The following ECRG4 variants were observed in gnomAD, a reference collection of about 807,000 sequenced individuals.
ECRG4 encodes the protein ECRG4 augurin precursor, also known as augurin.
Under a neutral mutation model 15.8 loss-of-function variants are expected in ECRG4, and 18 were observed. The observed-to-expected ratio is 1.14, with a 90% confidence interval of 0.79 to 1.69. The LOEUF (loss-of-function observed/expected upper bound fraction) is 1.69, where lower values mean the gene tolerates loss of function less well. Ranked by LOEUF, ECRG4 falls within the 40% of genes most tolerant of loss-of-function variation. The pLI is 0.00. For missense variants in ECRG4, 200 were observed against 190.9 expected (o/e 1.05, Z -0.28); for synonymous variants, 82 against 73.9 (o/e 1.11, Z -0.56).
chr2:106,073,844 G>C (rs137908864), intron 2 of ECRG4, 42 bp from the exon 3 acceptor site: 6 of 1,606,080 alleles, frequency 3.7e-6, no homozygotes, highest in Non-Finnish European at 3.4e-6. Context: ...GAGGAAGGAA[G>C]TCATTCTTTG....
chr2:106,075,635 T>C (rs1676469958), intron 3 of ECRG4, among the ~76,000 whole-genome samples: 1 of 151,850 alleles, frequency 6.6e-6, no homozygotes. Context: ...GACAGGAGAA[T>C]CCTTCGAACC....
intron 1 of ECRG4, chr2:106,070,881 C>G (rs187114752): frequency 2.1e-6 from 1 of 470,870 alleles, no homozygotes; most frequent in African/African-American, 2.0e-5. Flanking sequence ...GACTCCAGTT[C>G]CTTACACCCG....
intron 1 of ECRG4, among the ~76,000 whole-genome samples, chr2:106,070,296 A>G (rs1466863342): frequency 6.6e-6 from 1 of 152,186 alleles, no homozygotes; most frequent in African/African-American, 2.4e-5. Flanking sequence ...CAGGAAATAG[A>G]CTTAATAAGT....
chr2:106,077,114 G>A (rs1239290273), intron 3 of ECRG4, among the ~76,000 whole-genome samples: 1 of 151,988 alleles, frequency 6.6e-6, no homozygotes, highest in Non-Finnish European at 1.5e-5. Flanking sequence ...GGAACAGTAG[G>A]CTTCTTGAAG....
intron 2 of ECRG4, among the ~76,000 whole-genome samples, chr2:106,073,521 A>G (rs1178486840): frequency 6.6e-6 from 1 of 152,178 alleles, no homozygotes; most frequent in Non-Finnish European, 1.5e-5. Context: ...GGCACTAGAT[A>G]TCCAGTCTGT....
In ECRG4 at chr2:106,071,809, A is replaced by G. The variant is rs1487868977; in HGVS notation, c.80-35A>G. Reference sequence around the variant, plus strand: ...TTTGATAAATTGAAGGGAGCAGTATAACTCTGATATGGATTTCAATTTTCA... The same window carrying G: ...TTTGATAAATTGAAGGGAGCAGTATGACTCTGATATGGATTTCAATTTTCA... On this transcript the variant is annotated intron_variant, in intron 1 of 3. Coordinates refer to ENST00000238044, the MANE Select transcript of ECRG4 (RefSeq NM_032411.3). 1.9e-6 allele frequency: 3 copies of G among 1,589,784 alleles called. No individual in the cohort carries two copies. In the Admixed American group the frequency reaches 5.0e-5, roughly 27 times the overall value.
Position 106,077,660 on chromosome 2 carries a change from C to T in ECRG4, c.286-105C>T, listed in dbSNP as rs1573365619. ...CAGGGAGTTACTAAGGGTTGTTAAT[C>T]GTTGAAGAAAAACCACCATGAAGAA... On this transcript the variant is annotated intron_variant, in intron 3 of 3. Transcript: ENST00000238044. The T allele has an allele frequency of 7.7e-6, 8 of 1,035,000 alleles. No homozygotes were observed. In the South Asian group the frequency reaches 8.0e-5, roughly 10 times the overall value. 64.1% of individuals were successfully genotyped at this position (1,035,000 alleles called of 1,614,324 possible). A position where few individuals can be genotyped will look rare whatever the true frequency, so the allele number is the denominator to read the frequency against.
chr2:106,077,601 A>G (rs1360045963), intron 3 of ECRG4, among the ~76,000 whole-genome samples, 164 bp from the exon 4 acceptor site: 1 of 152,210 alleles, frequency 6.6e-6, no homozygotes, highest in Non-Finnish European at 1.5e-5. Flanking sequence ...AATACTGCTG[A>G]CTGTTTTGGC....
chr2:106,074,184 T>TATCA (rs1347369389), intron 3 of ECRG4, 141 bp downstream of exon 3: 1 of 903,276 alleles, frequency 1.1e-6, no homozygotes, highest in African/African-American at 1.7e-5. Context: ...TGCCAAGTGC[T>TATCA]ATCAGGCACT....
Position 106,077,769 on chromosome 2 carries a change from T to C in ECRG4, c.290T>C (p.Phe97Ser). 1 of 1,613,826 alleles carries C rather than the reference T, an allele frequency of 6.2e-7. No individual in the cohort carries two copies. Among genetic ancestry groups the C allele is most frequent in the Non-Finnish European group, 8.5e-7 (1 of 1,179,798 alleles). Residue 97 changes from phenylalanine to serine, a missense_variant, in exon 4 of 4, where the codon TTT becomes TCT. By Grantham distance (155) the Phe-to-Ser change is radical. Transcript: ENST00000238044. ...FLYMGFDEAK[F>S]EDDITYWLNR... Reference sequence around the variant, plus strand: ...ATTCTCTCTCTTTTCCTCCAGAAATTTGAAGATGACATCACCTATTGGCTT... The same window carrying C: ...ATTCTCTCTCTTTTCCTCCAGAAATCTGAAGATGACATCACCTATTGGCTT...
intron 1 of ECRG4, 148 bp downstream of exon 1, chr2:106,065,991 G>C: frequency 1.5e-5 from 10 of 666,596 alleles, no homozygotes; most frequent in Non-Finnish European, 2.3e-5. Flanking sequence ...GGGTGGTAGA[G>C]GACCGGGTCT....
intron 1 of ECRG4, among the ~76,000 whole-genome samples, chr2:106,069,111 C>T (rs1558655618): frequency 8.3e-6 from 1 of 120,826 alleles, no homozygotes; most frequent in Non-Finnish European, 1.8e-5. Flanking sequence ...TTCCTTCCTT[C>T]TTTTTCTTTC....
chr2:106,069,164 CTT>C (rs991539008), intron 1 of ECRG4, among the ~76,000 whole-genome samples: 2 of 132,312 alleles, frequency 1.5e-5, no homozygotes, highest in African/African-American at 5.4e-5. Flanking sequence ...TTCTTTCTTT[CTT>C]TCTTTTTTCT....
chr2:106,073,411 G>A (rs1237968268), intron 2 of ECRG4, among the ~76,000 whole-genome samples: 3 of 152,280 alleles, frequency 2.0e-5, no homozygotes, highest in East Asian at 3.9e-4. Context: ...CTGCTCACCC[G>A]GGGCTCATCA....
chr2:106,077,960 T>G lies in ECRG4; in HGVS notation c.*34T>G, dbSNP rs773088700. 1.0e-5 allele frequency: 16 copies of G among 1,601,400 alleles called. No homozygotes were observed. The African/African-American group carries it at 1.7e-4, about 17-fold the overall frequency. Reference sequence around the variant, plus strand: ...TGCCACACGCTGTACAAGAAGCAAATAGCGATTCTCTTCATGTATCTCCTA... The same window carrying G: ...TGCCACACGCTGTACAAGAAGCAAAGAGCGATTCTCTTCATGTATCTCCTA... On this transcript the variant is annotated 3_prime_UTR_variant, in exon 4 of 4. Transcript: ENST00000238044.
chr2:106,077,840 C>T lies in ECRG4; in HGVS notation c.361C>T (p.Arg121Cys), dbSNP rs764905916. ...GHEYYGDYYQRHYDEDSAIGP... is the reference protein window; with the variant it reads ...GHEYYGDYYQCHYDEDSAIGP... Reference sequence around the variant, plus strand: ...TGAATACTATGGCGATTACTACCAACGTCACTATGATGAAGACTCTGCAAT... The same window carrying T: ...TGAATACTATGGCGATTACTACCAATGTCACTATGATGAAGACTCTGCAAT... The change falls in exon 4 of 4, where the codon CGT (arginine) becomes TGT (cysteine). Residue 121 changes from arginine to cysteine, a missense_variant. Physicochemically the swap from Arg to Cys is radical, Grantham distance 180. Coordinates refer to ENST00000238044, the MANE Select transcript of ECRG4 (RefSeq NM_032411.3). The T allele has an allele frequency of 8.1e-6, 13 of 1,613,986 alleles. No homozygotes were observed. The highest frequency in any genetic ancestry group is 3.3e-5 in the South Asian group (3 of 91,082).
chr2:106,073,936 G>T lies in ECRG4; in HGVS notation c.178G>T (p.Glu60Ter), dbSNP rs1481877151. 2 of 1,614,244 alleles carry T rather than the reference G, an allele frequency of 1.2e-6. No homozygotes were observed. Among genetic ancestry groups the T allele is most frequent in the Non-Finnish European group, 1.7e-6 (2 of 1,180,048 alleles). The part of the protein sequence containing the change: ...KVAVDENKAK[E>*]FLGSLKRQKR... Reference sequence around the variant, plus strand: ...GGCCGTTGATGAGAATAAAGCCAAAGAATTCCTTGGCAGCCTGAAGCGCCA... The same window carrying T: ...GGCCGTTGATGAGAATAAAGCCAAATAATTCCTTGGCAGCCTGAAGCGCCA... The change falls in exon 3 of 4, where the codon GAA (glutamate) becomes TAA (stop). Residue 60 changes from glutamate to a stop codon, truncating the protein, a stop_gained. Coordinates refer to ENST00000238044, the MANE Select transcript of ECRG4 (RefSeq NM_032411.3). LOFTEE classifies it high-confidence loss of function.
chr2:106,069,696 CAT>C (rs1055667182), intron 1 of ECRG4, among the ~76,000 whole-genome samples: 3 of 152,156 alleles, frequency 2.0e-5, no homozygotes, highest in Non-Finnish European at 4.4e-5. Context: ...TCATATAACA[CAT>C]GTTTGGGCGC....
intron 1 of ECRG4, among the ~76,000 whole-genome samples, chr2:106,069,297 C>CTTT: frequency 7.6e-6 from 1 of 132,070 alleles, no homozygotes; most frequent in South Asian, 2.3e-4. Flanking sequence ...TTCTTTCTTT[C>CTTT]CTTCCTTCCT....
Sources: allele counts gnomAD v4.1 joint callset (sites outside exome capture counted in the v4.1 genomes callset), GRCh38; gene constraint gnomAD v4.1.1; transcripts MANE v1.5; gene names NCBI Gene and HGNC (gene_info 2026-07-23, HGNC 2026-07-21).